The following STPG2 variants were observed in gnomAD, a reference collection of about 807,000 sequenced individuals.
STPG2 encodes sperm tail PG-rich repeat containing 2.
In STPG2, 56 loss-of-function variants were observed where a neutral mutation model predicts 54.2. The ratio of observed to expected loss-of-function variants is 1.03; its 90% CI spans 0.83 to 1.29. The LOEUF is 1.29. Among genes scored for constraint, STPG2 ranks in the 50% most tolerant of loss-of-function variants. The pLI is 0.00. For synonymous variants in STPG2, 200 were observed against 181.8 expected (o/e 1.10, Z -0.81); for missense variants, 596 against 544.9 (o/e 1.09, Z -0.93).
At chr4:98,061,367 T>C (rs1055517710) in intron 5 of STPG2, among the ~76,000 whole-genome samples, 4 of 152,050 alleles carry the variant, frequency 2.6e-5, no homozygotes, top group Non-Finnish European at 5.9e-5. Context: ...AAAGGAAGAA[T>C]GCATCTTCTT....
At chr4:97,841,362 A>T (rs760943081) in intron 8 of STPG2, among the ~76,000 whole-genome samples, 1 of 151,718 alleles carries the variant, frequency 6.6e-6, no homozygotes, top group Non-Finnish European at 1.5e-5. Flanking sequence ...TCTTTAATAG[A>T]TTACAATTAA....
At chr4:97,576,406 A>G (rs1732725503) in intron 10 of STPG2, among the ~76,000 whole-genome samples, 1 of 152,082 alleles carries the variant, frequency 6.6e-6, no homozygotes, top group East Asian at 1.9e-4. Context: ...TGCAACTGGC[A>G]CCAAAACAGG....
At chr4:97,918,550 A>C (rs542592515) in intron 8 of STPG2, among the ~76,000 whole-genome samples, 2 of 147,130 alleles carry the variant, frequency 1.4e-5, no homozygotes, top group South Asian at 4.1e-4. Flanking sequence ...TTCACCAGGA[A>C]ATAAATAAAT....
Position 97,789,351 on chromosome 4 carries a change from C to T in STPG2, c.1204+51422G>A, listed in dbSNP as rs1036141106. On this transcript the variant is annotated intron_variant, in intron 9 of 10. Transcript: ENST00000295268. The stretch of plus-strand genomic sequence containing the variant: ...AAATATAATGAAGGAGAAATTATAA[C>T]TAATATAGCATTCGCAATATGCAGG... 2.0e-5 allele frequency among the ~76,000 whole-genome samples: 3 copies of T among 151,982 alleles called. No individual in the cohort carries two copies. In the South Asian group the frequency reaches 6.2e-4, roughly 32 times the overall value.
At chr4:97,788,803 T>C (rs1431753042) in intron 9 of STPG2, among the ~76,000 whole-genome samples, 1 of 152,140 alleles carries the variant, frequency 6.6e-6, no homozygotes, top group Non-Finnish European at 1.5e-5. Context: ...TATATAGTTT[T>C]TGTTAATTCA....
chr4:97,862,569 T>G (rs1298050808), intron 8 of STPG2, among the ~76,000 whole-genome samples: 7 of 152,048 alleles, frequency 4.6e-5, no homozygotes, highest in African/African-American at 1.7e-4. Flanking sequence ...TATCCAGGAA[T>G]TGAATTCAGC....
At chr4:97,750,510 T>C (rs111728563) in intron 9 of STPG2, among the ~76,000 whole-genome samples, 2,748 of 151,630 alleles carry the variant, frequency 0.018, 74 homozygotes, top group African/African-American at 0.063. Context: ...AAAGGACAAG[T>C]TGGAGAGGTA....
intron 4 of STPG2, among the ~76,000 whole-genome samples, chr4:97,540,486 G>C (rs896806532): frequency 6.0e-4 from 91 of 152,226 alleles, no homozygotes; most frequent in African/African-American, 2.1e-3. Flanking sequence ...ATAATTAATA[G>C]CTTACCAACC....
intron 4 of STPG2, among the ~76,000 whole-genome samples, chr4:97,445,167 T>C (rs897371523): frequency 2.6e-5 from 4 of 152,230 alleles, no homozygotes; most frequent in African/African-American, 9.6e-5. Context: ...TAAAAATCTT[T>C]GCCTTGTAAA....
chr4:97,828,923 A>G (rs111593524), intron 9 of STPG2, among the ~76,000 whole-genome samples: 1 of 152,106 alleles, frequency 6.6e-6, no homozygotes, highest in East Asian at 1.9e-4. Flanking sequence ...AGCAGCTGGG[A>G]GGAAGGGGTG....
chr4:97,663,569 A>G (rs1722433856), intron 10 of STPG2, among the ~76,000 whole-genome samples: 1 of 152,314 alleles, frequency 6.6e-6, no homozygotes, highest in African/African-American at 2.4e-5. Context: ...AATCTTTTAC[A>G]GCTGAATTAA....
intron 4 of STPG2, among the ~76,000 whole-genome samples, chr4:97,475,646 T>C (rs112347785): frequency 0.016 from 2,462 of 152,234 alleles, 62 homozygotes; most frequent in African/African-American, 0.057. Flanking sequence ...ATAAAATTCA[T>C]CTTCTGTCAT....
chr4:97,477,769 C>T (rs1399612076), intron 4 of STPG2, among the ~76,000 whole-genome samples: 4 of 151,876 alleles, frequency 2.6e-5, no homozygotes, highest in African/African-American at 4.8e-5. Context: ...GGATTACAGA[C>T]GTGAGGAACC....
At chr4:97,660,813 C>A (rs1011712106) in intron 10 of STPG2, among the ~76,000 whole-genome samples, 16 of 152,018 alleles carry the variant, frequency 1.1e-4, no homozygotes, top group Non-Finnish European at 2.9e-5. Flanking sequence ...AAATAAATTG[C>A]CTTGAGTCAC....
chr4:97,840,150 T>C (rs933529154), intron 9 of STPG2, among the ~76,000 whole-genome samples: 8 of 151,698 alleles, frequency 5.3e-5, no homozygotes, highest in African/African-American at 1.7e-4. Flanking sequence ...ATCTTTTTAA[T>C]ATAGCTTCTT....
At chr4:97,704,266 A>G (rs959585648) in intron 10 of STPG2, among the ~76,000 whole-genome samples, 4 of 152,194 alleles carry the variant, frequency 2.6e-5, no homozygotes, top group African/African-American at 9.6e-5. Flanking sequence ...TAAATGATCC[A>G]TAACATATAA....
chr4:97,943,849 C>T, intron 8 of STPG2, 48 bp downstream of exon 8: 4 of 1,387,056 alleles, frequency 2.9e-6, no homozygotes, highest in Non-Finnish European at 3.9e-6. Flanking sequence ...GCAGCCTCCT[C>T]CATGATTTCT....
chr4:97,989,430 T>C (rs995264458), intron 5 of STPG2, among the ~76,000 whole-genome samples: 3 of 152,164 alleles, frequency 2.0e-5, no homozygotes, highest in African/African-American at 7.2e-5. Flanking sequence ...AAACCCTATA[T>C]ACACTATGTT....
At chr4:98,047,631 A>G (rs1160378047) in intron 5 of STPG2, among the ~76,000 whole-genome samples, 1 of 152,122 alleles carries the variant, frequency 6.6e-6, no homozygotes, top group Non-Finnish European at 1.5e-5. Flanking sequence ...TTAGAAGCCA[A>G]TCCCTCATGT....
Sources: allele counts gnomAD v4.1 joint callset (sites outside exome capture counted in the v4.1 genomes callset), GRCh38; gene constraint gnomAD v4.1.1; transcripts MANE v1.5; gene names NCBI Gene and HGNC (gene_info 2026-07-23, HGNC 2026-07-21).